NAT10: variants seen among roughly 807,000 people sequenced by gnomAD.
NAT10 encodes the protein RNA cytidine acetyltransferase.
NAT10 carries 109 observed loss-of-function variants against 132.2 expected under a neutral mutation model. That is an observed-to-expected ratio of 0.82 (90% CI 0.71 to 0.97). The LOEUF is 0.97. NAT10 is among the 50% of genes least tolerant of loss of function. The probability of loss-of-function intolerance (pLI) is 0.00; values close to 1 mark genes in which losing one functional copy is unlikely to be tolerated. For synonymous variants in NAT10, 479 were observed against 478.0 expected (o/e 1.00, Z -0.03); for missense variants, 1,184 against 1,263.4 (o/e 0.94, Z 0.95).
chr11:34,112,573 A>G (rs973022599), intron 4 of NAT10, among the ~76,000 whole-genome samples: 2 of 152,182 alleles, frequency 1.3e-5, no homozygotes, highest in Non-Finnish European at 2.9e-5. Context: ...TTTTTTGTCC[A>G]GTGAGCAATG....
At chr11:34,112,353 T>C (rs1251150741) in intron 4 of NAT10, 130 bp downstream of exon 4, 2 of 1,099,314 alleles carry the variant, frequency 1.8e-6, no homozygotes, top group Non-Finnish European at 1.3e-6. Flanking sequence ...CCAAGCATTA[T>C]TAGTGGAAGT....
rs1479965417 is a variant in NAT10, at chr11:34,122,503, C to G, written c.825C>G (p.Thr275=). Residue 275 remains threonine, a synonymous_variant, in exon 9 of 29, where the codon ACC becomes ACG. Transcript: ENST00000257829. ...LKFIEGISEK[T]LRSTVALTAA... ...TTATCGAGGGCATCTCTGAAAAGAC[C>G]CTGAGGAGTACTGTTGCACTCACAG... The G allele has an allele frequency of 1.2e-6, 2 of 1,614,026 alleles. No homozygotes were observed. The highest frequency in any genetic ancestry group is 1.6e-4 in the Middle Eastern group (1 of 6,084).
intron 28 of NAT10, among the ~76,000 whole-genome samples, chr11:34,145,122 C>T (rs1234759543): frequency 6.6e-6 from 1 of 152,248 alleles, no homozygotes; most frequent in African/African-American, 2.4e-5. Context: ...GTGGCTTTGA[C>T]TGGAACAAAA....
chr11:34,118,529 A>G (rs372956404), intron 8 of NAT10, 26 bp downstream of exon 8: 6 of 1,583,026 alleles, frequency 3.8e-6, no homozygotes, highest in Non-Finnish European at 5.2e-6. Flanking sequence ...AGCACTTCCA[A>G]CACAAAGGTA....
At chr11:34,120,310 A>G (rs533858018) in intron 8 of NAT10, among the ~76,000 whole-genome samples, 2 of 152,128 alleles carry the variant, frequency 1.3e-5, no homozygotes, top group Non-Finnish European at 2.9e-5. Context: ...TATAACTTCT[A>G]TAATATAAAA....
At chr11:34,131,681 T>A (rs1278298969) in intron 14 of NAT10, 150 bp downstream of exon 14, 8 of 898,766 alleles carry the variant, frequency 8.9e-6, no homozygotes, top group Non-Finnish European at 1.1e-5. Flanking sequence ...TCCTTTTTTT[T>A]TTTTCTTTCT....
intron 13 of NAT10, 26 bp downstream of exon 13, chr11:34,130,963 C>G (rs781693929): frequency 6.2e-7 from 1 of 1,612,746 alleles, no homozygotes; most frequent in Non-Finnish European, 8.5e-7. Flanking sequence ...ACCCGGGTCC[C>G]GCGGTTCACA....
rs748120965 is a variant in NAT10 at position 34,127,548 on chromosome 11, T to TG, written c.1194dup (p.Lys399GlufsTer19). On this transcript the variant is annotated frameshift_variant, in exon 12 of 29. Transcript: ENST00000257829. LOFTEE classifies it high-confidence loss of function. ...GCTGCCGCCATCCCCCTCCCCTTGG[T>TG]GAAGAGCCTACTTGGCCCCTACCTT... 4 of 1,614,056 alleles carry TG rather than the reference T, an allele frequency of 2.5e-6. No individual in the cohort carries two copies. In the African/African-American group the frequency reaches 5.3e-5, roughly 22 times the overall value.
At chr11:34,126,007 GGTTGC>G (rs1266444652) in intron 11 of NAT10, among the ~76,000 whole-genome samples, 1 of 152,082 alleles carries the variant, frequency 6.6e-6, no homozygotes, top group Non-Finnish European at 1.5e-5. Flanking sequence ...AAATGGGTGG[GGTTGC>G]CGCCTCCCTG....
intron 18 of NAT10, 55 bp downstream of exon 18, chr11:34,134,641 G>A: frequency 1.3e-6 from 2 of 1,566,650 alleles, no homozygotes; most frequent in Non-Finnish European, 1.8e-6. Context: ...CTTTAGGGTG[G>A]GGGTACTTGG....
In NAT10 at chr11:34,143,494, G is replaced by C; in HGVS notation, c.2935G>C (p.Ala979Pro). Reference protein sequence around the residue: ...DEEWNEVLNKAGPNASIISLK... With the variant: ...DEEWNEVLNKPGPNASIISLK... Reference sequence around the variant, plus strand: ...AGAGTGGAATGAAGTTTTGAACAAAGCTGGGCCGAACGCCTCGATCATCAG... The same window carrying C: ...AGAGTGGAATGAAGTTTTGAACAAACCTGGGCCGAACGCCTCGATCATCAG... The change falls in exon 28 of 29, where the codon GCT (alanine) becomes CCT (proline). Residue 979 changes from alanine to proline, a missense_variant. Physicochemically the swap from Ala to Pro is conservative, Grantham distance 27 (BLOSUM62 -1). Coordinates refer to ENST00000257829, the MANE Select transcript of NAT10 (RefSeq NM_024662.3). 6.2e-7 allele frequency: 1 copy of C among 1,613,960 alleles called. No homozygotes were observed. The highest frequency in any genetic ancestry group is 8.5e-7 in the Non-Finnish European group (1 of 1,179,912).
At chr11:34,122,714 G>A (rs116940567) in intron 9 of NAT10, 122 bp downstream of exon 9, 42,891 of 1,309,564 alleles carry the variant, frequency 0.033, 897 homozygotes, top group Middle Eastern at 0.055. Flanking sequence ...GGTTCAGTGT[G>A]TGATTTCTCT....
chr11:34,120,636 G>A (rs1166374168), intron 8 of NAT10, among the ~76,000 whole-genome samples: 9 of 152,216 alleles, frequency 5.9e-5, no homozygotes, highest in Non-Finnish European at 1.0e-4. Context: ...ACTTCTAGGC[G>A]CTCCTGTAGG....
At position 34,136,630 on chromosome 11, in the gene NAT10, G is replaced by T. The variant is rs186955500; in HGVS notation, c.2029-12G>T. On this transcript the variant is annotated splice_polypyrimidine_tract_variant and intron_variant, in intron 19 of 28. Coordinates refer to ENST00000257829, the MANE Select transcript of NAT10 (RefSeq NM_024662.3). ...CTGAATGGACTGTGTTCTCTCCTTG[G>T]CATCTTCCCAGGCTGTCAGCTTGTT... 4 of 1,613,946 alleles carry T rather than the reference G, an allele frequency of 2.5e-6. No individual in the cohort carries two copies. Among genetic ancestry groups the T allele is most frequent in the African/African-American group, 2.7e-5 (2 of 74,884 alleles).
At chr11:34,135,926 G>A (rs1201163411) in intron 19 of NAT10, among the ~76,000 whole-genome samples, 2 of 152,012 alleles carry the variant, frequency 1.3e-5, no homozygotes. Context: ...CTCGCCACTG[G>A]ACTCTGGCCT....
chr11:34,115,504 A>G (rs1374255434), intron 5 of NAT10, among the ~76,000 whole-genome samples: 2 of 152,382 alleles, frequency 1.3e-5, no homozygotes, highest in South Asian at 2.1e-4. Flanking sequence ...TCCAAGTGCC[A>G]TGAGAACAGA....
chr11:34,136,656 G>C lies in NAT10; in HGVS notation c.2043G>C (p.Leu681Phe), dbSNP rs1323257297. 1 of 1,613,982 alleles carries C rather than the reference G, an allele frequency of 6.2e-7. No homozygotes were observed. Reference protein sequence around the residue: ...HTVSSEAVSLLEEVITPRKDL... With the variant: ...HTVSSEAVSLFEEVITPRKDL... ...CATCTTCCCAGGCTGTCAGCTTGTT[G>C]GAAGAGGTCATCACTCCCCGGAAGG... The change falls in exon 20 of 29, where the codon TTG (leucine) becomes TTC (phenylalanine). Residue 681 changes from leucine to phenylalanine, a missense_variant. Physicochemically the swap from Leu to Phe is conservative, Grantham distance 22 (BLOSUM62 0). Transcript: ENST00000257829.
intron 3 of NAT10, among the ~76,000 whole-genome samples, chr11:34,111,760 T>C (rs1351927728): frequency 6.6e-6 from 1 of 152,252 alleles, no homozygotes; most frequent in Non-Finnish European, 1.5e-5. Context: ...TTTGGCCAAA[T>C]GTGAGGGTTA....
intron 12 of NAT10, among the ~76,000 whole-genome samples, chr11:34,130,078 A>C (rs1852078081): frequency 6.6e-6 from 1 of 152,182 alleles, no homozygotes; most frequent in Non-Finnish European, 1.5e-5. Context: ...AGTAAGAGGA[A>C]GTATTTTACA....
Sources: allele counts gnomAD v4.1 joint callset (sites outside exome capture counted in the v4.1 genomes callset), GRCh38; gene constraint gnomAD v4.1.1; transcripts MANE v1.5; gene names NCBI Gene and HGNC (gene_info 2026-07-23, HGNC 2026-07-21).